The following SP140 variants were observed in gnomAD, a reference collection of about 807,000 sequenced individuals.
SP140 encodes SP140 nuclear body protein.
A neutral mutation model predicts 125.0 loss-of-function variants in SP140; 81 were observed. The ratio of observed to expected loss-of-function variants is 0.65; its 90% CI spans 0.54 to 0.78. The LOEUF (loss-of-function observed/expected upper bound fraction) is 0.78, where lower values mean the gene tolerates loss of function less well. Ranked by LOEUF, SP140 falls within the 30% of genes least tolerant of loss-of-function variation. The pLI is 0.00. For synonymous variants in SP140, 312 were observed against 354.0 expected (o/e 0.88, Z 1.33); for missense variants, 858 against 1,037.0 (o/e 0.83, Z 2.37).
upstream of SP140, among the ~76,000 whole-genome samples, chr2:230,201,890 G>C (rs1028024535): frequency 2.0e-5 from 3 of 152,184 alleles, no homozygotes; most frequent in African/African-American, 7.2e-5. Context: ...TGTTGGTGTA[G>C]TATTAAAGGT....
At chr2:230,240,469 A>G (rs1169473111) in intron 3 of SP140, among the ~76,000 whole-genome samples, 3 of 152,250 alleles carry the variant, frequency 2.0e-5, no homozygotes, top group African/African-American at 7.2e-5. Context: ...AATGAATAAT[A>G]AAAGGACACA....
At chr2:230,246,880 C>T (rs1407682432) in intron 7 of SP140, among the ~76,000 whole-genome samples, 3 of 151,890 alleles carry the variant, frequency 2.0e-5, no homozygotes, top group African/African-American at 7.3e-5. Flanking sequence ...AAGTTGTACA[C>T]AGAGAAAAAG....
intron 21 of SP140, 107 bp from the exon 22 acceptor site, chr2:230,297,314 C>A (rs556408845): frequency 2.3e-6 from 3 of 1,330,778 alleles, no homozygotes; most frequent in Non-Finnish European, 3.1e-6. Context: ...TATTTTTTAA[C>A]AACTGGTTCC....
At position 230,248,842 on chromosome 2, in the gene SP140, C is replaced by T. The variant is rs572504532; in HGVS notation, c.893-43C>T. On this transcript the variant is annotated intron_variant, in intron 8 of 26. Transcript: ENST00000392045. ...GCATGAACACACTGAGGCCTGTGTC[C>T]AAGTCACCCTCTGTGGTCTGTCAAT... is the stretch of plus-strand genomic sequence containing the variant. 192 of 1,518,018 alleles carry T rather than the reference C, an allele frequency of 1.3e-4. 3 individuals carry two copies. In the South Asian group the frequency reaches 2.1e-3, roughly 17 times the overall value. 94.0% of individuals were successfully genotyped at this position (1,518,018 alleles called of 1,614,324 possible).
intron 22 of SP140, among the ~76,000 whole-genome samples, chr2:230,307,727 C>T (rs2058896034): frequency 1.3e-5 from 2 of 152,082 alleles, no homozygotes; most frequent in African/African-American, 2.4e-5. Context: ...TGCCCCATGG[C>T]AGGCCCTTGG....
At chr2:230,254,215 G>A (rs1031601824) in intron 11 of SP140, among the ~76,000 whole-genome samples, 1 of 152,084 alleles carries the variant, frequency 6.6e-6, no homozygotes, top group African/African-American at 2.4e-5. Context: ...CCCATGAAGA[G>A]TGCAAACTAT....
chr2:230,253,447 G>A (rs376617708), intron 11 of SP140, 30 bp downstream of exon 11: 6 of 1,516,314 alleles, frequency 4.0e-6, no homozygotes, highest in African/African-American at 1.4e-5. Context: ...TTAGGTATTT[G>A]AGTACATCTT....
upstream of SP140, chr2:230,201,007 C>G (rs754241391): frequency 5.4e-6 from 8 of 1,470,742 alleles, 1 homozygote; most frequent in South Asian, 9.1e-5. Flanking sequence ...TTGGGAAACA[C>G]CATGGAGAAT....
At chr2:230,212,307 T>A in intron 1 of SP140, 1 of 1,456,104 alleles carries the variant, frequency 6.9e-7, no homozygotes, top group Admixed American at 1.7e-5. Context: ...CCCTTCACAG[T>A]CACCTTGAGC....
chr2:230,294,309 G>GAA lies in SP140; in HGVS notation c.2014_2015dup (p.Ile674GlufsTer3). 6.2e-7 allele frequency: 1 copy of GAA among 1,606,124 alleles called. No homozygotes were observed. Among genetic ancestry groups the GAA allele is most frequent in the Non-Finnish European group, 8.5e-7 (1 of 1,174,656 alleles). On this transcript the variant is annotated frameshift_variant, in exon 21 of 27. Coordinates refer to ENST00000392045, the MANE Select transcript of SP140 (RefSeq NM_007237.5). LOFTEE classifies it high-confidence loss of function. Reference sequence around the variant, plus strand: ...CTGATCCTCCAAGAATACGTTACAGGAAAAAAAAGGTGATTATTACATAGC... The same window carrying GAA: ...CTGATCCTCCAAGAATACGTTACAGGAAAAAAAAAAGGTGATTATTACATAGC...
intron 15 of SP140, among the ~76,000 whole-genome samples, chr2:230,274,391 G>A (rs762870295): frequency 2.0e-5 from 3 of 152,298 alleles, no homozygotes; most frequent in South Asian, 2.1e-4. Flanking sequence ...TCCTTCTGTC[G>A]AGAGAGGGAT....
chr2:230,299,072 C>G (rs2058037144), intron 22 of SP140, among the ~76,000 whole-genome samples: 1 of 152,160 alleles, frequency 6.6e-6, no homozygotes, highest in South Asian at 2.1e-4. Context: ...AACAAAATGG[C>G]AGATAGGAGG....
intron 3 of SP140, among the ~76,000 whole-genome samples, chr2:230,240,330 A>G (rs147449335): frequency 5.6e-4 from 85 of 152,318 alleles, no homozygotes; most frequent in Non-Finnish European, 1.1e-3. Flanking sequence ...GATGTCAACA[A>G]ATTAAAAACT....
At chr2:230,198,853 C>G (rs191143580), upstream of SP140, among the ~76,000 whole-genome samples, 1 of 152,258 alleles carries the variant, frequency 6.6e-6, no homozygotes, top group East Asian at 1.9e-4. Context: ...CCACCTCGGC[C>G]TCCCAATAGC....
intron 1 of SP140, among the ~76,000 whole-genome samples, chr2:230,204,773 G>C (rs763315175): frequency 6.6e-6 from 1 of 152,098 alleles, no homozygotes; most frequent in Non-Finnish European, 1.5e-5. Context: ...CTAATTTAGG[G>C]GTCAGAGTAT....
chr2:230,248,156 G>A, intron 8 of SP140, 91 bp downstream of exon 8: 1 of 1,228,688 alleles, frequency 8.1e-7, no homozygotes, highest in Non-Finnish European at 1.2e-6. Context: ...GTTTCTGACA[G>A]TCTCTATCAG....
chr2:230,190,579 T>A, the SP140 span, among the ~76,000 whole-genome samples: 100 of 152,346 alleles, frequency 6.6e-4, no homozygotes, highest in Admixed American at 1.7e-3. Context: ...CATTTGTCAA[T>A]CTTGGCTTTT....
At chr2:230,287,819 T>C in intron 17 of SP140, 73 bp from the exon 18 acceptor site, 1 of 1,310,906 alleles carries the variant, frequency 7.6e-7, no homozygotes, top group Non-Finnish European at 1.0e-6. Flanking sequence ...TTAAATGGAA[T>C]TTTTGAAAAG....
At chr2:230,250,161 T>G (rs952422056) in intron 9 of SP140, among the ~76,000 whole-genome samples, 1 of 152,242 alleles carries the variant, frequency 6.6e-6, no homozygotes, top group Admixed American at 6.5e-5. Flanking sequence ...TGTTTGCTCT[T>G]CTACTCATCA....
Sources: allele counts gnomAD v4.1 joint callset (sites outside exome capture counted in the v4.1 genomes callset), GRCh38; gene constraint gnomAD v4.1.1; transcripts MANE v1.5; gene names NCBI Gene and HGNC (gene_info 2026-07-23, HGNC 2026-07-21).